Variants in MTREX observed in about 807,000 individuals in gnomAD.
The protein encoded by MTREX is Mtr4 exosome RNA helicase.
MTREX carries 76 observed loss-of-function variants against 135.4 expected under a neutral mutation model. The observed-to-expected ratio is 0.56, with a 90% CI of 0.47 to 0.68. The LOEUF is 0.68. Ranked by LOEUF, MTREX falls within the 30% of genes least tolerant of loss-of-function variation. The pLI is 0.00. For synonymous variants in MTREX, 404 were observed against 401.6 expected (o/e 1.01, Z -0.07); for missense variants, 920 against 1,262.1 (o/e 0.73, Z 4.11).
At chr5:55,372,420 A>C (rs1404544048) in intron 16 of MTREX, among the ~76,000 whole-genome samples, 1 of 152,190 alleles carries the variant, frequency 6.6e-6, no homozygotes, top group Non-Finnish European at 1.5e-5. Flanking sequence ...ACATAATAAC[A>C]ATACAGTAGC....
At chr5:55,348,492 C>G (rs1224667502) in intron 11 of MTREX, among the ~76,000 whole-genome samples, 1 of 152,196 alleles carries the variant, frequency 6.6e-6, no homozygotes, top group Non-Finnish European at 1.5e-5. Flanking sequence ...CTGCCTTTTG[C>G]ACATGTAATC....
intron 15 of MTREX, among the ~76,000 whole-genome samples, chr5:55,362,293 T>C (rs1206902633): frequency 1.3e-5 from 2 of 151,994 alleles, no homozygotes; most frequent in African/African-American, 2.4e-5. Context: ...GTCCTGCTAT[T>C]GTTGAAGTAT....
At position 55,344,526 on chromosome 5, in the gene MTREX, G is replaced by C. The variant is rs750978835; in HGVS notation, c.911G>C (p.Cys304Ser). ...EWICHLHKQP[C>S]HVIYTDYRPT... is the part of the protein sequence containing the mutation. Reference sequence around the variant, plus strand: ...TTTAATTCTTTCTTTTTACAGCCTTGTCATGTTATTTACACAGATTATCGG... The same window carrying C: ...TTTAATTCTTTCTTTTTACAGCCTTCTCATGTTATTTACACAGATTATCGG... Residue 304 changes from cysteine to serine, a missense_variant, in exon 9 of 27, where the codon TGT becomes TCT. By Grantham distance (112) the Cys-to-Ser change is moderately radical. This residue lies in a region of MTREX where 88 missense variants were observed against 202.5 expected (regional missense o/e 0.43). Transcript: ENST00000230640. 8 of 1,602,512 alleles carry C rather than the reference G, an allele frequency of 5.0e-6. No homozygotes were observed. Among genetic ancestry groups the C allele is most frequent in the Non-Finnish European group, 6.8e-6 (8 of 1,170,532 alleles).
chr5:55,369,871 A>G (rs903899584), intron 16 of MTREX, among the ~76,000 whole-genome samples: 1 of 151,698 alleles, frequency 6.6e-6, no homozygotes, highest in African/African-American at 2.4e-5. Flanking sequence ...CAGCTTTTGT[A>G]ATCTAGCCGC....
chr5:55,405,700 T>G, intron 22 of MTREX, 112 bp downstream of exon 22: 1 of 808,552 alleles, frequency 1.2e-6, no homozygotes. Context: ...TGGAGTGCAC[T>G]GGCGCAATCT....
At chr5:55,422,648 C>G (rs767898199) in intron 25 of MTREX, among the ~76,000 whole-genome samples, 1 of 152,142 alleles carries the variant, frequency 6.6e-6, no homozygotes, top group Non-Finnish European at 1.5e-5. Context: ...CTACTTAATA[C>G]CAAGTGTCAG....
At chr5:55,375,291 G>A (rs1013957732) in intron 16 of MTREX, among the ~76,000 whole-genome samples, 9 of 152,112 alleles carry the variant, frequency 5.9e-5, no homozygotes, top group East Asian at 5.8e-4. Context: ...GCATGGGAGC[G>A]CTATGGGAGA....
Position 55,425,215 on chromosome 5 carries a change from G to T in MTREX, c.*443G>T. Reference sequence around the variant, plus strand: ...GGCACCCTGCTGCCTTTCAAGGCTGGTGATTGCTCGGATAGTGATTCCCAG... The same window carrying T: ...GGCACCCTGCTGCCTTTCAAGGCTGTTGATTGCTCGGATAGTGATTCCCAG... On this transcript the variant is annotated 3_prime_UTR_variant, in exon 27 of 27. Coordinates refer to ENST00000230640, the MANE Select transcript of MTREX (RefSeq NM_015360.5). 6.2e-7 allele frequency: 1 copy of T among 1,613,408 alleles called. No individual in the cohort carries two copies. The highest frequency in any genetic ancestry group is 8.5e-7 in the Non-Finnish European group (1 of 1,179,798).
intron 23 of MTREX, among the ~76,000 whole-genome samples, chr5:55,411,086 A>G (rs1579901128): frequency 1.3e-5 from 2 of 152,314 alleles, no homozygotes; most frequent in East Asian, 1.9e-4. Flanking sequence ...GGTTTGAGGT[A>G]GTGAATATAA....
At chr5:55,326,356 C>T (rs1368196065) in intron 3 of MTREX, among the ~76,000 whole-genome samples, 3 of 151,972 alleles carry the variant, frequency 2.0e-5, no homozygotes, top group African/African-American at 4.8e-5. Flanking sequence ...GCTGAGATCA[C>T]GCCACTGTAC....
intron 18 of MTREX, among the ~76,000 whole-genome samples, chr5:55,380,335 A>G (rs1346675444): frequency 6.6e-6 from 1 of 152,110 alleles, no homozygotes; most frequent in African/African-American, 2.4e-5. Flanking sequence ...ATATTTGCAG[A>G]TATGTGCAAC....
intron 1 of MTREX, among the ~76,000 whole-genome samples, chr5:55,321,906 C>G (rs1312642786): frequency 6.6e-6 from 1 of 152,130 alleles, no homozygotes; most frequent in Admixed American, 6.6e-5. Flanking sequence ...CCGTGCCCGG[C>G]TCCAAACGTC....
At position 55,388,038 on chromosome 5, in the gene MTREX, G is replaced by C. The variant is rs1750506714; in HGVS notation, c.2117G>C (p.Ser706Thr). Residue 706 changes from serine (S) to threonine (T), a missense_variant, in exon 19 of 27, where the codon AGC becomes ACC. By Grantham distance (58) the Ser-to-Thr change is moderately conservative. This residue lies in a region of MTREX where 467 missense variants were observed against 589.7 expected (regional missense o/e 0.79). Transcript: ENST00000230640. ...GTACTTCTGCGCTGTAGCAAAGAGA[G>C]CTTGAAAAATTCAGCTACAGAAGCT... ...VEVLLRCSKE[S>T]LKNSATEAAK... 1 of 1,608,838 alleles carries C rather than the reference G, an allele frequency of 6.2e-7. No homozygotes were observed. Among genetic ancestry groups the C allele is most frequent in the South Asian group, 1.1e-5 (1 of 90,508 alleles).
At chr5:55,416,225 A>C (rs1750963786) in intron 25 of MTREX, 93 bp downstream of exon 25, 1 of 764,632 alleles carries the variant, frequency 1.3e-6, no homozygotes, top group Non-Finnish European at 2.0e-6. Flanking sequence ...ATGTATTTTT[A>C]ATATTTGGTA....
Position 55,345,025 on chromosome 5 carries a change from A to G in MTREX, c.1006-69A>G. ...AATTATTTTTATTTGGGGAAGCCTT[A>G]TGTATGAAAAATGTTTGAATTATGA... On this transcript the variant is annotated intron_variant, in intron 9 of 26. Coordinates refer to ENST00000230640, the MANE Select transcript of MTREX (RefSeq NM_015360.5). 3 of 881,714 alleles carry G rather than the reference A, an allele frequency of 3.4e-6. No individual in the cohort carries two copies. The South Asian group carries it at 4.6e-5, about 13-fold the overall frequency. The allele number at this position is 881,714 out of a possible 1,614,324, so 54.6% of individuals were successfully genotyped here.
chr5:55,392,331 G>T (rs749159696), intron 19 of MTREX, among the ~76,000 whole-genome samples: 10 of 152,052 alleles, frequency 6.6e-5, no homozygotes, highest in Non-Finnish European at 1.5e-4. Context: ...ATGACTTGAG[G>T]TCAGGAGTTC....
At chr5:55,378,174 T>G (rs1331197716) in intron 16 of MTREX, 140 bp from the exon 17 acceptor site, 1 of 957,962 alleles carries the variant, frequency 1.0e-6, no homozygotes, top group Non-Finnish European at 1.4e-6. Flanking sequence ...GATGAACACA[T>G]AGAGACTTAC....
chr5:55,385,378 G>T (rs184789058), intron 18 of MTREX, among the ~76,000 whole-genome samples: 24 of 152,272 alleles, frequency 1.6e-4, no homozygotes, highest in Admixed American at 2.6e-4. Flanking sequence ...ACGAAGGGGA[G>T]CCTCTACCTT....
At chr5:55,413,888 C>G (rs1272613716) in intron 23 of MTREX, among the ~76,000 whole-genome samples, 1 of 152,164 alleles carries the variant, frequency 6.6e-6, no homozygotes, top group Non-Finnish European at 1.5e-5. Context: ...ACAATATTTA[C>G]CCTCCCTCAG....
Sources: allele counts gnomAD v4.1 joint callset (sites outside exome capture counted in the v4.1 genomes callset), GRCh38; gene constraint gnomAD v4.1.1; regional missense constraint gnomAD v4.1.1; transcripts MANE v1.5; gene names NCBI Gene and HGNC (gene_info 2026-07-23, HGNC 2026-07-21).